Variants in TTN observed in about 807,000 individuals in gnomAD.
The protein encoded by TTN is connectin.
A neutral mutation model predicts 3,223.0 loss-of-function variants in TTN; 1,525 were observed. The observed-to-expected ratio is 0.47, with a 90% CI of 0.45 to 0.49. The LOEUF is 0.49. Among genes scored for constraint, TTN ranks in the 20% least tolerant of loss-of-function variants. The probability of loss-of-function intolerance (pLI) is 0.00; values close to 1 mark genes in which losing one functional copy is unlikely to be tolerated. For synonymous variants in TTN, 14,094 were observed against 15,161.0 expected, an observed-to-expected ratio of 0.93 and a Z score of 5.17; for missense variants, 40,786 against 43,424.0, an observed-to-expected ratio of 0.94 and a Z score of 5.40.
intron 47 of TTN, chr2:178,748,846 A>T: frequency 6.2e-7 from 1 of 1,612,238 alleles, no homozygotes. Context: ...CAGTATTTGG[A>T]GACATTTTCT....
chr2:178,552,919 A>G lies in TTN; in HGVS notation c.89981T>C (p.Leu29994Pro), dbSNP rs1334681258. 1.9e-6 allele frequency: 3 copies of G among 1,613,630 alleles called. No individual in the cohort carries two copies. Among genetic ancestry groups the G allele is most frequent in the Admixed American group, 1.7e-5 (1 of 59,974 alleles). ...TGGAGTCTTCTCCGACAAATCTATT[A>G]GCTTGAAGGATGTGCTAGAACATTT... ...SHKCSSTSFKLIDLSEKTPFF... is the reference protein window; with the variant it reads ...SHKCSSTSFKPIDLSEKTPFF... The change falls in exon 335 of 363, where the codon CTA (leucine) becomes CCA (proline). Residue 29994 changes from leucine to proline, a missense_variant. Coordinates refer to ENST00000589042, the MANE Select transcript of TTN (RefSeq NM_001267550.2).
rs727504623 is a variant in TTN, at chr2:178,724,483, C to T, written c.20892G>A (p.Thr6964=). The T allele has an allele frequency of 1.9e-5, 31 of 1,612,120 alleles. No homozygotes were observed. Among genetic ancestry groups the T allele is most frequent in the Middle Eastern group, 1.6e-4 (1 of 6,066 alleles). Residue 6964 remains threonine, a synonymous_variant, in exon 72 of 363, where the codon ACG becomes ACA. Coordinates refer to ENST00000589042, the MANE Select transcript of TTN (RefSeq NM_001267550.2). ...AGPMTVTVGE[T]CTLECKVAGT... is the part of the protein sequence containing the mutation. ...CAGCCACCTTACACTCCAGAGTGCACGTTTCTCCTACAGTCACCGTCATCG... is the reference window on the plus strand; with the variant it reads ...CAGCCACCTTACACTCCAGAGTGCATGTTTCTCCTACAGTCACCGTCATCG...
Position 178,533,066 on chromosome 2 carries a change from T to G in TTN, c.103549A>C (p.Lys34517Gln), listed in dbSNP as rs781151465. The stretch of plus-strand genomic sequence containing the variant: ...AGTCTGAATTCCCCTTTTACAGTCT[T>G]GGTGCTTACAGCCGGTTTATAAAGG... ...AVLYKPAVSTKTVKGEFRLEI... is the reference protein window; with the variant it reads ...AVLYKPAVSTQTVKGEFRLEI... Residue 34517 changes from lysine to glutamine, a missense_variant, in exon 358 of 363, where the codon AAG (lysine) becomes CAG (glutamine). By Grantham distance (53) the Lys-to-Gln change is moderately conservative. Coordinates refer to ENST00000589042, the MANE Select transcript of TTN (RefSeq NM_001267550.2). The G allele has an allele frequency of 4.3e-6, 7 of 1,614,000 alleles. No individual in the cohort carries two copies. The highest frequency in any genetic ancestry group is 5.9e-6 in the Non-Finnish European group (7 of 1,179,874).
At chr2:178,726,189 C>T in intron 69 of TTN, 143 bp from the exon 70 acceptor site, 4 of 982,552 alleles carry the variant, frequency 4.1e-6, no homozygotes, top group Non-Finnish European at 5.6e-6. Context: ...CATGGGATAA[C>T]AGCCTCAGAA....
At position 178,715,531 on chromosome 2, in the gene TTN, G is replaced by A; in HGVS notation, c.25883C>T (p.Ala8628Val). The part of the protein sequence containing the change: ...GDYTCEAHNA[A>V]GSASSSTSLK... ...GGATGTGCTGCTGCTGGCACTGCCTGCTGCATTGTGGGCCTCACAGGTGTA... is the reference window on the plus strand; with the variant it reads ...GGATGTGCTGCTGCTGGCACTGCCTACTGCATTGTGGGCCTCACAGGTGTA... The change falls in exon 89 of 363, where the codon GCA becomes GTA. Residue 8628 changes from alanine (A) to valine (V), a missense_variant. By Grantham distance (64) the Ala-to-Val change is moderately conservative. Transcript: ENST00000589042. 6.2e-7 allele frequency: 1 copy of A among 1,613,268 alleles called. No individual in the cohort carries two copies. The highest frequency in any genetic ancestry group is 8.5e-7 in the Non-Finnish European group (1 of 1,179,366).
intron 288 of TTN, 112 bp downstream of exon 288, chr2:178,600,742 C>T: frequency 7.8e-7 from 1 of 1,284,668 alleles, no homozygotes; most frequent in South Asian, 1.2e-5. Flanking sequence ...TACATTCAAG[C>T]CATAGTAGCT....
chr2:178,545,813 T>C lies in TTN; in HGVS notation c.95416+7A>G. ...CTGTCAAATTATTTAAAAGTGTTAA[T>C]ACTTACTGAATGAGTTTCTGGCTAC... On this transcript the variant is annotated splice_region_variant and intron_variant, in intron 343 of 362. Transcript: ENST00000589042. The C allele has an allele frequency of 6.2e-7, 1 of 1,612,556 alleles. No homozygotes were observed. Among genetic ancestry groups the C allele is most frequent in the Non-Finnish European group, 8.5e-7 (1 of 1,178,806 alleles).
chr2:178,549,414 G>A lies in TTN; in HGVS notation c.92212C>T (p.Leu30738=). The part of the protein sequence containing the change: ...PSNITGNSIT[L]TWARPESDGG... Reference sequence around the variant, plus strand: ...TCTGATTCTGGCCTTGCCCATGTCAGGGTAATGCTGTTGCCTGTTATGTTG... The same window carrying A: ...TCTGATTCTGGCCTTGCCCATGTCAAGGTAATGCTGTTGCCTGTTATGTTG... The change falls in exon 339 of 363, where the codon CTG becomes TTG. Residue 30738 remains leucine (L), a synonymous_variant. Coordinates refer to ENST00000589042, the MANE Select transcript of TTN (RefSeq NM_001267550.2). 1 of 1,613,116 alleles carries A rather than the reference G, an allele frequency of 6.2e-7. No homozygotes were observed. The highest frequency in any genetic ancestry group is 8.5e-7 in the Non-Finnish European group (1 of 1,179,256).
In TTN at chr2:178,773,045, GAAT is replaced by G. The variant is rs1296252881; in HGVS notation, c.7855+61_7855+63del. The G allele has an allele frequency of 2.5e-6, 4 of 1,604,202 alleles. No homozygotes were observed. The African/African-American group carries it at 4.0e-5, about 16-fold the overall frequency. On this transcript the variant is annotated intron_variant, in intron 33 of 362. Transcript: ENST00000589042. Reference sequence around the variant, plus strand: ...AACTGAAAGGAATTTTGGGGGAAATGAATAATAATTTCTTAAAATAACAATCAC... The same window carrying G: ...AACTGAAAGGAATTTTGGGGGAAATGAATAATTTCTTAAAATAACAATCAC...
At chr2:178,752,001 C>T (rs968998267) in intron 47 of TTN, 1 of 1,592,980 alleles carries the variant, frequency 6.3e-7, no homozygotes, top group South Asian at 1.2e-5. Flanking sequence ...TCACGTGTAT[C>T]CCTTTCTGAA....
At chr2:178,699,336 T>G (rs1325865544) in intron 111 of TTN, among the ~76,000 whole-genome samples, 1 of 147,504 alleles carries the variant, frequency 6.8e-6, no homozygotes, top group Admixed American at 6.8e-5. Context: ...CCACGGTTCC[T>G]AATCATACTT....
chr2:178,773,084 A>C (rs1187817565), intron 33 of TTN, 25 bp downstream of exon 33: 1 of 1,613,404 alleles, frequency 6.2e-7, no homozygotes, highest in East Asian at 2.2e-5. Context: ...TCCTCGTAAG[A>C]ATTTAGGTTA....
rs1274078547 is a variant in TTN at position 178,774,399 on chromosome 2, T to C, written c.6865A>G (p.Ile2289Val). 1.9e-6 allele frequency: 3 copies of C among 1,613,878 alleles called. No individual in the cohort carries two copies. The highest frequency in any genetic ancestry group is 1.3e-5 in the African/African-American group (1 of 74,936). The part of the protein sequence containing the change: ...PESYSGELEC[I>V]VSPENIEGKW... The stretch of plus-strand genomic sequence containing the variant: ...CCTTCTATATTTTCTGGGGATACAA[T>C]GCACTCTAATTCTCCTGAATATGAT... Residue 2289 changes from isoleucine to valine, a missense_variant, in exon 30 of 363, where the codon ATT (isoleucine) becomes GTT (valine). Ile to Val is a conservative substitution (Grantham distance 29, BLOSUM62 3). Coordinates refer to ENST00000589042, the MANE Select transcript of TTN (RefSeq NM_001267550.2).
Position 178,567,883 on chromosome 2 carries a change from A to G in TTN, c.78249T>C (p.Tyr26083=), listed in dbSNP as rs747203787. The G allele has an allele frequency of 8.7e-6, 14 of 1,613,468 alleles. No homozygotes were observed. Among genetic ancestry groups the G allele is most frequent in the Admixed American group, 1.7e-5 (1 of 59,980 alleles). The stretch of plus-strand genomic sequence containing the variant: ...GTGGGTCACAGGGATCTCTGGCTAC[A>G]TAGCATTCAGAATTCTTGCTTGCTT... The part of the protein sequence containing the change: ...VGKASKNSEC[Y]VARDPCDPPG... Residue 26083 remains tyrosine, a synonymous_variant, in exon 326 of 363, where the codon TAT becomes TAC. Coordinates refer to ENST00000589042, the MANE Select transcript of TTN (RefSeq NM_001267550.2).
chr2:178,698,108 T>C (rs571080330), intron 112 of TTN, among the ~76,000 whole-genome samples: 1 of 152,310 alleles, frequency 6.6e-6, no homozygotes, highest in South Asian at 2.1e-4. Flanking sequence ...TGGATAGAAC[T>C]GGAGATTATG....
In TTN at chr2:178,662,972, G is replaced by A; in HGVS notation, c.36784C>T (p.Pro12262Ser). ...AATGTGTAATGATACCTACCTTTAG[G>A]AGGTGGAGCTTCTGGCTTTTTGGCA... The part of the protein sequence containing the change: ...PPAKKPEAPP[P>S]KVPEAPKEVV... The change falls in exon 174 of 363, where the codon CCT becomes TCT. Residue 12262 changes from proline to serine, a missense_variant. By Grantham distance (74) the Pro-to-Ser change is moderately conservative. Transcript: ENST00000589042. The A allele has an allele frequency of 6.2e-7, 1 of 1,608,886 alleles. No individual in the cohort carries two copies. The highest frequency in any genetic ancestry group is 8.5e-7 in the Non-Finnish European group (1 of 1,178,432).
intron 47 of TTN, chr2:178,747,613 A>G: frequency 1.9e-6 from 3 of 1,613,286 alleles, no homozygotes; most frequent in Non-Finnish European, 2.5e-6. Flanking sequence ...CACTCTGGAC[A>G]AGCTTTGCCT....
intron 361 of TTN, 61 bp from the exon 362 acceptor site, chr2:178,527,809 G>T (rs1362650338): frequency 2.5e-5 from 37 of 1,456,934 alleles, no homozygotes; most frequent in Non-Finnish European, 2.7e-5. Flanking sequence ...GATGACATAT[G>T]ACGCTGACTT....
At position 178,608,436 on chromosome 2, in the gene TTN, T is replaced by C; in HGVS notation, c.52447A>G (p.Thr17483Ala). ...APDKPIVEDV[T>A]SNSMLVKWNE... ...CATTTCACTAGCATACTGTTGCTGGTAACATCTTCCACAATGGGCTTATCT... is the reference window on the plus strand; with the variant it reads ...CATTTCACTAGCATACTGTTGCTGGCAACATCTTCCACAATGGGCTTATCT... The change falls in exon 275 of 363, where the codon ACC becomes GCC. Residue 17483 changes from threonine (T) to alanine (A), a missense_variant. Coordinates refer to ENST00000589042, the MANE Select transcript of TTN (RefSeq NM_001267550.2). 1 of 1,607,828 alleles carries C rather than the reference T, an allele frequency of 6.2e-7. No homozygotes were observed. The highest frequency in any genetic ancestry group is 1.7e-4 in the Middle Eastern group (1 of 6,040).
Sources: allele counts gnomAD v4.1 joint callset (sites outside exome capture counted in the v4.1 genomes callset), GRCh38; gene constraint gnomAD v4.1.1; transcripts MANE v1.5; gene names NCBI Gene and HGNC (gene_info 2026-07-23, HGNC 2026-07-21).